Variants in KCMF1 observed in about 807,000 individuals in gnomAD.
KCMF1 encodes the protein E3 ubiquitin-protein ligase KCMF1.
Under a neutral mutation model 41.1 loss-of-function variants are expected in KCMF1, and 3 were observed. The ratio of observed to expected loss-of-function variants is 0.07; its 90% CI spans 0.03 to 0.19. The LOEUF (loss-of-function observed/expected upper bound fraction) is 0.19, where lower values mean the gene tolerates loss of function less well. KCMF1 is among the 10% of genes least tolerant of loss of function. The pLI is 1.00. For synonymous variants in KCMF1, 142 were observed against 164.5 expected (o/e 0.86, Z 1.04); for missense variants, 286 against 488.9 (o/e 0.58, Z 3.91).
At position 85,045,451 on chromosome 2, in the gene KCMF1, AT is replaced by A. The variant is rs1675641159; in HGVS notation, c.427-651del. ...GAAAAACTGAGAAGCCAGCCAAAAA[AT>A]TAATCTGCATTATAAAGCTGGTCTG... On this transcript the variant is annotated intron_variant, in intron 4 of 6. Transcript: ENST00000409785. Among the ~76,000 whole-genome samples the A allele has an allele frequency of 2.6e-5, 4 of 152,278 alleles. No homozygotes were observed. The South Asian group carries it at 8.3e-4, about 32-fold the overall frequency.
rs554835275 is a variant in KCMF1 at position 85,027,626 on chromosome 2, C to T, written c.17-263C>T. Among the ~76,000 whole-genome samples, 10 of 152,076 alleles carry T rather than the reference C, an allele frequency of 6.6e-5. No homozygotes were observed. In the South Asian group the frequency reaches 1.7e-3, roughly 25 times the overall value. On this transcript the variant is annotated intron_variant, in intron 1 of 6. Coordinates refer to ENST00000409785, the MANE Select transcript of KCMF1 (RefSeq NM_020122.5). ...CTGACCTCAAGTGATCCACCCGCCT[C>T]GACCCCCGCAAAGTGCTCAGATTAC...
chr2:85,035,023 C>T lies in KCMF1; in HGVS notation c.192C>T (p.Tyr64=). The T allele has an allele frequency of 6.2e-7, 1 of 1,608,872 alleles. No homozygotes were observed. The highest frequency in any genetic ancestry group is 8.5e-7 in the Non-Finnish European group (1 of 1,177,094). The part of the protein sequence containing the change: ...CILTRVDFDL[Y]YGGEAFSVEQ... ...TTCTACCTTATTTTTCAGATTTATA[C>T]TATGGTGGGGAAGCTTTCTCTGTAG... Residue 64 remains tyrosine, a synonymous_variant, in exon 3 of 7, where the codon TAC becomes TAT. Coordinates refer to ENST00000409785, the MANE Select transcript of KCMF1 (RefSeq NM_020122.5).
intron 1 of KCMF1, among the ~76,000 whole-genome samples, chr2:85,026,498 T>TTATTATTA (rs1558580342): frequency 5.6e-4 from 70 of 125,560 alleles, no homozygotes; most frequent in African/African-American, 1.9e-3. Context: ...TATTATTATT[T>TTATTATTA]TTATTTTTTC....
Position 85,049,520 on chromosome 2 carries a change from C to T in KCMF1, c.756C>T (p.Arg252=). The part of the protein sequence containing the change: ...QAARQQLETA[R]NATRRTNTSS... ...CACGGCAACAACTGGAGACCGCACG[C>T]AACGCAACCCGGCGTACTAACACAA... is the stretch of plus-strand genomic sequence containing the variant. The change falls in exon 6 of 7, where the codon CGC becomes CGT. Residue 252 remains arginine (R), a synonymous_variant. Transcript: ENST00000409785. The T allele has an allele frequency of 2.5e-6, 4 of 1,614,012 alleles. No individual in the cohort carries two copies. Among genetic ancestry groups the T allele is most frequent in the Non-Finnish European group, 3.4e-6 (4 of 1,179,900 alleles).
chr2:85,032,833 G>A (rs114280741), intron 2 of KCMF1, among the ~76,000 whole-genome samples: 1,865 of 152,260 alleles, frequency 0.012, 50 homozygotes, highest in African/African-American at 0.043. Context: ...TTTTTTAGTG[G>A]ATTCTTTAAG....
intron 2 of KCMF1, among the ~76,000 whole-genome samples, chr2:85,029,677 A>ATTT (rs1178504248): frequency 3.8e-5 from 5 of 130,658 alleles, no homozygotes; most frequent in African/African-American, 8.7e-5. Context: ...TCATGCTATA[A>ATTT]TTTTTTTTTT....
At chr2:84,978,828 G>T (rs2103962755) in intron 1 of KCMF1, among the ~76,000 whole-genome samples, 1 of 152,224 alleles carries the variant, frequency 6.6e-6, no homozygotes, top group Admixed American at 6.5e-5. Flanking sequence ...CGATTCTCCT[G>T]CCTCAGCCTC....
chr2:84,985,760 C>T (rs1240908720), intron 1 of KCMF1, among the ~76,000 whole-genome samples: 1 of 151,120 alleles, frequency 6.6e-6, no homozygotes, highest in Non-Finnish European at 1.5e-5. Context: ...AACCAGAAGG[C>T]GGAGGTTGCA....
chr2:85,059,156 C>G lies in KCMF1; in HGVS notation c.*5747C>G, dbSNP rs1203638472. 1 of 152,120 alleles carries G rather than the reference C, an allele frequency of 6.6e-6. No individual in the cohort carries two copies. Among genetic ancestry groups the G allele is most frequent in the African/African-American group, 2.4e-5 (1 of 41,426 alleles). 9.4% of individuals were successfully genotyped at this position (152,120 alleles called of 1,614,324 possible). ...CCTTGAATCCATTTAATTTTGCCCA[C>G]GAGAACCTTTCATGACAATTAACAA... is the stretch of plus-strand genomic sequence containing the variant. On this transcript the variant is annotated 3_prime_UTR_variant, in exon 7 of 7. Transcript: ENST00000409785.
intron 4 of KCMF1, among the ~76,000 whole-genome samples, chr2:85,045,245 C>CATATAT (rs551733035): frequency 9.3e-5 from 14 of 151,216 alleles, no homozygotes; most frequent in Admixed American, 3.9e-4. Context: ...TCTCAAGATA[C>CATATAT]ATATATATAT....
At chr2:85,035,289 C>A (rs951841346) in intron 3 of KCMF1, 134 bp downstream of exon 3, 5 of 836,840 alleles carry the variant, frequency 6.0e-6, no homozygotes, top group Admixed American at 6.4e-5. Flanking sequence ...TTAAAATCAT[C>A]TTTTAACAGC....
intron 3 of KCMF1, among the ~76,000 whole-genome samples, chr2:85,038,674 G>A (rs1480307949): frequency 6.6e-6 from 1 of 151,880 alleles, no homozygotes; most frequent in Non-Finnish European, 1.5e-5. Context: ...GGTTTTGTAT[G>A]ATGGCTTTAA....
intron 1 of KCMF1, among the ~76,000 whole-genome samples, chr2:84,999,998 A>C (rs1473615516): frequency 6.6e-6 from 1 of 152,036 alleles, no homozygotes; most frequent in Non-Finnish European, 1.5e-5. Context: ...AGAAACAGGA[A>C]TAGATGTGTG....
At chr2:85,012,533 G>C (rs1014126514) in intron 1 of KCMF1, among the ~76,000 whole-genome samples, 1 of 152,004 alleles carries the variant, frequency 6.6e-6, no homozygotes, top group Non-Finnish European at 1.5e-5. Flanking sequence ...ATCACTCTCA[G>C]TGATACAAAG....
chr2:85,015,244 C>T (rs183997125), intron 1 of KCMF1, among the ~76,000 whole-genome samples: 2 of 150,156 alleles, frequency 1.3e-5, no homozygotes, highest in East Asian at 4.0e-4. Context: ...TATCTAATTA[C>T]TCTAGGAAAA....
intron 1 of KCMF1, among the ~76,000 whole-genome samples, chr2:85,021,438 G>A (rs764500387): frequency 3.0e-4 from 46 of 152,092 alleles, no homozygotes; most frequent in Non-Finnish European, 5.4e-4. Flanking sequence ...CCTGGCCAAT[G>A]TGGTGAAACC....
chr2:84,999,324 T>G (rs1674271294), intron 1 of KCMF1, among the ~76,000 whole-genome samples: 1 of 152,078 alleles, frequency 6.6e-6, no homozygotes, highest in Non-Finnish European at 1.5e-5. Flanking sequence ...CTAATTTTTG[T>G]ATTTTTTAAG....
chr2:85,005,031 C>G (rs1264676203), intron 1 of KCMF1, among the ~76,000 whole-genome samples: 1 of 151,910 alleles, frequency 6.6e-6, no homozygotes, highest in African/African-American at 2.4e-5. Context: ...CTCAGCCTCC[C>G]AAGTAGCTGG....
At chr2:85,019,460 A>C (rs1369270348) in intron 1 of KCMF1, among the ~76,000 whole-genome samples, 2 of 152,238 alleles carry the variant, frequency 1.3e-5, no homozygotes, top group Non-Finnish European at 2.9e-5. Context: ...TATAAAATTA[A>C]ATATTAACTT....
Sources: gnomAD v4.1 joint callset for allele counts (sites outside exome capture counted in the v4.1 genomes callset) on GRCh38, gnomAD v4.1.1 for gene constraint, MANE v1.5 for transcripts, NCBI Gene and HGNC (gene_info 2026-07-23, HGNC 2026-07-21) for gene names.